Variants in CDON observed in about 807,000 individuals in gnomAD.
CDON encodes the protein cell adhesion molecule-related/down-regulated by oncogenes.
In CDON, 73 loss-of-function variants were observed where a neutral mutation model predicts 120.9. The ratio of observed to expected loss-of-function variants is 0.60; its 90% CI spans 0.50 to 0.73. The LOEUF (loss-of-function observed/expected upper bound fraction) is 0.73. CDON is among the 30% of genes least tolerant of loss of function. The probability of loss-of-function intolerance (pLI) is 0.00; values close to 1 mark genes in which losing one functional copy is unlikely to be tolerated. For missense variants in CDON, 1,470 were observed against 1,587.3 expected (o/e 0.93, Z 1.26); for synonymous variants, 566 against 573.5 (o/e 0.99, Z 0.19).
intron 1 of CDON, among the ~76,000 whole-genome samples, chr11:126,050,495 A>AACACACACACACACACACACAC (rs10643446): frequency 1.4e-5 from 2 of 143,000 alleles, no homozygotes; most frequent in African/African-American, 5.2e-5. Flanking sequence ...GTAAGTAGCA[A>AACACACACACACACACACACAC]ACACACACAC....
In CDON at chr11:125,994,374, T is replaced by C; in HGVS notation, c.2560A>G (p.Asn854Asp). The C allele has an allele frequency of 6.4e-7, 1 of 1,558,992 alleles. No individual in the cohort carries two copies. Among genetic ancestry groups the C allele is most frequent in the Non-Finnish European group, 8.9e-7 (1 of 1,129,796 alleles). ...MLKWTYIPSS[N>D]NNTPIQGFYI... ...AATCCTTGAATGGGAGTGTTATTGTTACTTGATGGAATGTACTAAAAAACA... is the reference window on the plus strand; with the variant it reads ...AATCCTTGAATGGGAGTGTTATTGTCACTTGATGGAATGTACTAAAAAACA... Residue 854 changes from asparagine to aspartate, a missense_variant, in exon 14 of 20, where the codon AAC becomes GAC. Physicochemically the swap from Asn to Asp is conservative, Grantham distance 23 (BLOSUM62 1). Transcript: ENST00000531738.
chr11:125,995,169 A>T (rs891833195), intron 12 of CDON, 117 bp from the exon 13 acceptor site: 2 of 831,132 alleles, frequency 2.4e-6, no homozygotes, highest in Non-Finnish European at 4.0e-6. Context: ...TGAAGTACCT[A>T]TCTATACTAA....
chr11:125,981,441 C>T, intron 16 of CDON, 112 bp from the exon 17 acceptor site: 1 of 1,013,384 alleles, frequency 9.9e-7, no homozygotes, highest in Non-Finnish European at 1.4e-6. Context: ...CACACACGCA[C>T]ACAGTAAGAC....
At position 126,017,768 on chromosome 11, in the gene CDON, C is replaced by T. The variant is rs574637835; in HGVS notation, c.641-393G>A. 1.0e-4 allele frequency among the ~76,000 whole-genome samples: 15 copies of T among 150,178 alleles called. No individual in the cohort carries two copies. In the South Asian group the frequency reaches 2.7e-3, roughly 27 times the overall value. ...AATGACCACTACTATAAAGCTGTAT[C>T]TCCTCTATTTCTTCTTGTTTGAACA... On this transcript the variant is annotated intron_variant, in intron 5 of 19. Transcript: ENST00000531738.
At chr11:126,027,289 C>G (rs1947815189) in intron 1 of CDON, among the ~76,000 whole-genome samples, 1 of 152,234 alleles carries the variant, frequency 6.6e-6, no homozygotes, top group East Asian at 1.9e-4. Flanking sequence ...AGTAACAGCA[C>G]CCCAGGCCCA....
intron 1 of CDON, among the ~76,000 whole-genome samples, chr11:126,039,300 T>TA (rs1175415632): frequency 7.2e-5 from 11 of 152,188 alleles, no homozygotes; most frequent in African/African-American, 2.2e-4. Flanking sequence ...GGGATTTTAA[T>TA]AAACAGAAAA....
At chr11:126,050,071 T>C (rs1948516990) in intron 1 of CDON, among the ~76,000 whole-genome samples, 1 of 151,910 alleles carries the variant, frequency 6.6e-6, no homozygotes, top group Admixed American at 6.6e-5. Context: ...ATGACTTCTT[T>C]AGAAGAACTT....
chr11:125,958,154 T>C lies in CDON; in HGVS notation c.*2788A>G, dbSNP rs1049143556. On this transcript the variant is annotated 3_prime_UTR_variant, in exon 20 of 20. Transcript: ENST00000531738. ...CCTCGGAGGAATTCCACGGCAGGGA[T>C]AGATCACAGCATACGGAACGGGACT... The C allele has an allele frequency of 6.6e-6, 1 of 152,186 alleles. No individual in the cohort carries two copies. Among genetic ancestry groups the C allele is most frequent in the Non-Finnish European group, 1.5e-5 (1 of 68,052 alleles). The allele number at this position is 152,186 out of a possible 1,614,324, so 9.4% of individuals were successfully genotyped here.
At chr11:125,986,540 C>T (rs1016895438) in intron 15 of CDON, among the ~76,000 whole-genome samples, 10 of 152,080 alleles carry the variant, frequency 6.6e-5, no homozygotes, top group East Asian at 3.9e-4. Context: ...CGGAGCTGGG[C>T]GGATAACGAG....
intron 18 of CDON, among the ~76,000 whole-genome samples, chr11:125,969,206 C>A (rs1177525201): frequency 6.6e-6 from 1 of 152,218 alleles, no homozygotes; most frequent in Non-Finnish European, 1.5e-5. Flanking sequence ...CCATGTTGGT[C>A]AGGCTGGTCT....
chr11:126,019,897 G>C (rs1947584429), intron 3 of CDON, 132 bp from the exon 4 acceptor site: 1 of 761,114 alleles, frequency 1.3e-6, no homozygotes, highest in South Asian at 1.6e-5. Flanking sequence ...CCAGAGGGCT[G>C]CATGATCTTT....
chr11:125,956,890 G>C lies in CDON; in HGVS notation c.*4052C>G, dbSNP rs3039. The stretch of plus-strand genomic sequence containing the variant: ...CTACCCTCAAAGCTCTCAGGACTGG[G>C]GCTAGGGTTTAAGGAAGGCTTATTT... On this transcript the variant is annotated 3_prime_UTR_variant, in exon 20 of 20. Transcript: ENST00000531738. 2.0e-6 allele frequency: 2 copies of C among 979,126 alleles called. No homozygotes were observed. Among genetic ancestry groups the C allele is most frequent in the Admixed American group, 6.1e-5 (1 of 16,298 alleles). The allele number at this position is 979,126 out of a possible 1,614,324, so 60.7% of individuals were successfully genotyped here.
At chr11:126,046,137 G>A (rs115195590) in intron 1 of CDON, among the ~76,000 whole-genome samples, 176 of 152,146 alleles carry the variant, frequency 1.2e-3, no homozygotes, top group African/African-American at 4.1e-3. Context: ...CACAAATCTG[G>A]ACTAAGAATG....
At chr11:126,030,536 T>A (rs2134753038) in intron 1 of CDON, among the ~76,000 whole-genome samples, 1 of 152,348 alleles carries the variant, frequency 6.6e-6, no homozygotes, top group African/African-American at 2.4e-5. Context: ...TTATTTAAGT[T>A]AGATTCCGTT....
chr11:126,018,047 G>A (rs1947521110), intron 5 of CDON, among the ~76,000 whole-genome samples: 1 of 151,938 alleles, frequency 6.6e-6, no homozygotes, highest in African/African-American at 2.4e-5. Context: ...CTACAGGCAT[G>A]TGCTGCCACA....
chr11:126,022,310 C>G (rs928396555), intron 2 of CDON, among the ~76,000 whole-genome samples: 8 of 152,056 alleles, frequency 5.3e-5, no homozygotes, highest in Non-Finnish European at 1.2e-4. Flanking sequence ...TTACTACTTC[C>G]CTTCAGTATA....
intron 4 of CDON, among the ~76,000 whole-genome samples, chr11:126,018,860 G>T (rs745489821): frequency 6.6e-6 from 1 of 152,142 alleles, no homozygotes; most frequent in African/African-American, 2.4e-5. Flanking sequence ...GTGAGCCACC[G>T]GCCAGCCTGC....
rs1223680237 is a variant in CDON, at chr11:125,958,223, AT to A, written c.*2718del. On this transcript the variant is annotated 3_prime_UTR_variant, in exon 20 of 20. Coordinates refer to ENST00000531738, the MANE Select transcript of CDON (RefSeq NM_001378964.1). ...AACCACAATGCTTTTGGAAAGCAGT[AT>A]GGAAAAATGGGAGGAGCCCAGATTA... The A allele has an allele frequency of 1.3e-5, 2 of 152,208 alleles. No homozygotes were observed. The highest frequency in any genetic ancestry group is 2.9e-5 in the Non-Finnish European group (2 of 68,028). 9.4% of individuals were successfully genotyped at this position (152,208 alleles called of 1,614,324 possible). A position where few individuals can be genotyped will look rare whatever the true frequency, so the allele number is the denominator to read the frequency against.
intron 15 of CDON, 33 bp from the exon 16 acceptor site, chr11:125,984,126 G>A: frequency 1.4e-6 from 2 of 1,419,680 alleles, no homozygotes; most frequent in Non-Finnish European, 2.0e-6. Context: ...CATGATGTCA[G>A]AGTGAATACA....
Sources: gnomAD v4.1 joint callset for allele counts (sites outside exome capture counted in the v4.1 genomes callset) on GRCh38, gnomAD v4.1.1 for gene constraint, MANE v1.5 for transcripts, NCBI Gene and HGNC (gene_info 2026-07-23, HGNC 2026-07-21) for gene names.